The following TRAPPC3L variants were observed in gnomAD, a reference collection of about 807,000 sequenced individuals.
TRAPPC3L encodes the protein trafficking protein particle complex subunit 3L.
Under a neutral mutation model 23.7 loss-of-function variants are expected in TRAPPC3L, and 23 were observed. The observed-to-expected ratio is 0.97, with a 90% CI of 0.70 to 1.37. TRAPPC3L has a LOEUF of 1.37. TRAPPC3L is among the 40% of genes most tolerant of loss of function. The pLI, the probability that TRAPPC3L is intolerant of heterozygous loss-of-function variation, is 0.00. For missense variants in TRAPPC3L, 212 were observed against 216.8 expected (o/e 0.98, Z 0.14); for synonymous variants, 81 against 77.9 (o/e 1.04, Z -0.21).
intron 3 of TRAPPC3L, chr6:116,516,309 G>A (rs935894716): frequency 1.9e-5 from 4 of 207,808 alleles, no homozygotes; most frequent in African/African-American, 9.2e-5. Context: ...GTAAATATTG[G>A]TTGCAGAATT....
At chr6:116,507,683 CT>C (rs1167928549) in intron 3 of TRAPPC3L, among the ~76,000 whole-genome samples, 1 of 152,072 alleles carries the variant, frequency 6.6e-6, no homozygotes, top group African/African-American at 2.4e-5. Flanking sequence ...CCCTGTGGGT[CT>C]TGGTTGCAGG....
chr6:116,537,934 C>T (rs567202564), intron 3 of TRAPPC3L, among the ~76,000 whole-genome samples: 92 of 152,270 alleles, frequency 6.0e-4, no homozygotes, highest in African/African-American at 2.2e-3. Flanking sequence ...CTGTAATTTT[C>T]CTGTGGCTAA....
chr6:116,500,739 C>G, intron 3 of TRAPPC3L, 73 bp from the exon 4 acceptor site: 1 of 1,305,520 alleles, frequency 7.7e-7, no homozygotes. Flanking sequence ...AACAAATACC[C>G]AGTTCTAGGC....
At chr6:116,506,085 C>T (rs1021251845) in intron 3 of TRAPPC3L, among the ~76,000 whole-genome samples, 40 of 152,252 alleles carry the variant, frequency 2.6e-4, no homozygotes, top group African/African-American at 9.4e-4. Flanking sequence ...AGCAGGCAAC[C>T]TACAGAATGG....
At chr6:116,518,340 T>G (rs1225641189) in intron 3 of TRAPPC3L, 1 of 152,126 alleles carries the variant, frequency 6.6e-6, no homozygotes, top group African/African-American at 2.4e-5. Flanking sequence ...TTGGCCAGTG[T>G]GGGAGAAAAC....
At chr6:116,525,491 TA>T (rs1772427787) in intron 3 of TRAPPC3L, among the ~76,000 whole-genome samples, 1 of 152,212 alleles carries the variant, frequency 6.6e-6, no homozygotes, top group African/African-American at 2.4e-5. Context: ...GGAAAGTTTA[TA>T]AAAGATTTCA....
chr6:116,499,298 G>T (rs1250890650), intron 4 of TRAPPC3L, among the ~76,000 whole-genome samples: 2 of 152,170 alleles, frequency 1.3e-5, no homozygotes, highest in Non-Finnish European at 2.9e-5. Flanking sequence ...CCTGCAGTCA[G>T]GGTTTTGTTC....
chr6:116,523,843 T>G (rs1772391714), intron 3 of TRAPPC3L: 1 of 152,132 alleles, frequency 6.6e-6, no homozygotes, highest in Admixed American at 6.6e-5. Context: ...AACAGAACAT[T>G]CCATTTTACA....
Position 116,495,233 on chromosome 6 carries a change from T to G in TRAPPC3L, c.*1721A>C, listed in dbSNP as rs1771817451. ...ATCTCCATGAGTCCACTGTTTTAAT[T>G]TTTAGCTCCTACAAATAAATGAGAA... is the stretch of plus-strand genomic sequence containing the variant. On this transcript the variant is annotated 3_prime_UTR_variant, in exon 5 of 5. Transcript: ENST00000368602. 6.6e-6 allele frequency: 1 copy of G among 151,828 alleles called. No individual in the cohort carries two copies. Among genetic ancestry groups the G allele is most frequent in the Non-Finnish European group, 1.5e-5 (1 of 67,970 alleles). The allele number at this position is 151,828 out of a possible 1,614,324, so 9.4% of individuals were successfully genotyped here. A position where few individuals can be genotyped will look rare whatever the true frequency, so the allele number is the denominator to read the frequency against.
chr6:116,541,601 T>C (rs932767785), intron 2 of TRAPPC3L, among the ~76,000 whole-genome samples: 4 of 152,224 alleles, frequency 2.6e-5, no homozygotes, highest in Non-Finnish European at 4.4e-5. Flanking sequence ...GATAGAAATA[T>C]TCAGTTTAGC....
chr6:116,543,955 G>C, intron 1 of TRAPPC3L: 1 of 1,133,054 alleles, frequency 8.8e-7, no homozygotes, highest in Non-Finnish European at 1.2e-6. Flanking sequence ...CCCATTTTTA[G>C]AGTAAATTAT....
Position 116,543,249 on chromosome 6 carries a change from C to A in TRAPPC3L, c.140+54G>T, listed in dbSNP as rs532815988. 1.9e-4 allele frequency: 251 copies of A among 1,322,026 alleles called. No homozygotes were observed. The African/African-American group carries it at 3.0e-3, about 16-fold the overall frequency. The allele number at this position is 1,322,026 out of a possible 1,614,324, so 81.9% of individuals were successfully genotyped here. ...GAAGTCATTAGAGGCAGAAAGAATGCAGGTGATGTAAGAAACAACAGCCAT... is the reference window on the plus strand; with the variant it reads ...GAAGTCATTAGAGGCAGAAAGAATGAAGGTGATGTAAGAAACAACAGCCAT... On this transcript the variant is annotated intron_variant, in intron 2 of 4. Transcript: ENST00000368602.
rs567446099 is a variant in TRAPPC3L, at chr6:116,505,046, A to G, written c.241-4380T>C. On this transcript the variant is annotated intron_variant, in intron 3 of 4. Coordinates refer to ENST00000368602, the MANE Select transcript of TRAPPC3L (RefSeq NM_001139444.3). ...AATCAGGCAAGAGAAAGAAATAAAG[A>G]GTATTCAATTAGGAAAAGAGGAAGT... Among the ~76,000 whole-genome samples the G allele has an allele frequency of 1.3e-3, 204 of 152,090 alleles. 1 individual carries two copies. Among genetic ancestry groups the G allele is most frequent in the African/African-American group, 4.7e-3 (197 of 41,512 alleles).
intron 3 of TRAPPC3L, among the ~76,000 whole-genome samples, chr6:116,509,153 CT>C (rs1344478571): frequency 6.8e-6 from 1 of 147,946 alleles, no homozygotes; most frequent in Non-Finnish European, 1.5e-5. Flanking sequence ...TGGAAGATCT[CT>C]ATAAGGAGAA....
rs374940815 is a variant in TRAPPC3L at position 116,497,022 on chromosome 6, T to C, written c.478A>G (p.Ser160Gly). ...AATGTTATTCCTATTTCTGTCACAC[T>C]GTCACCTTTTAGTCTGTCTTGCAAG... ...TFLQDRLKGD[S>G]VTEIGITFLK... is the part of the protein sequence containing the mutation. Residue 160 changes from serine to glycine, a missense_variant, in exon 5 of 5, where the codon AGT becomes GGT. Transcript: ENST00000368602. 2.1e-4 allele frequency: 318 copies of C among 1,547,414 alleles called. No individual in the cohort carries two copies. In the African/African-American group the frequency reaches 4.1e-3, roughly 20 times the overall value.
At chr6:116,530,822 G>A (rs193236163) in intron 3 of TRAPPC3L, among the ~76,000 whole-genome samples, 6 of 147,262 alleles carry the variant, frequency 4.1e-5, no homozygotes, top group African/African-American at 1.5e-4. Flanking sequence ...CCAAATTCTA[G>A]CTCTGAAACA....
chr6:116,501,315 G>C (rs1301029964), intron 3 of TRAPPC3L, among the ~76,000 whole-genome samples: 1 of 152,182 alleles, frequency 6.6e-6, no homozygotes, highest in Non-Finnish European at 1.5e-5. Flanking sequence ...CATTGCTGAG[G>C]TTTGAGTAGG....
At chr6:116,541,794 A>C (rs1014829176) in intron 2 of TRAPPC3L, among the ~76,000 whole-genome samples, 2 of 151,926 alleles carry the variant, frequency 1.3e-5, no homozygotes, top group African/African-American at 4.8e-5. Context: ...AGTGGTCAGA[A>C]GCCAAAACGT....
intron 3 of TRAPPC3L, chr6:116,511,670 A>G (rs1025899725): frequency 2.5e-6 from 4 of 1,600,236 alleles, no homozygotes; most frequent in Non-Finnish European, 3.4e-6. Flanking sequence ...ACAAAGGCAC[A>G]GCATTTTCCC....
Sources: gnomAD v4.1 joint callset for allele counts (sites outside exome capture counted in the v4.1 genomes callset) on GRCh38, gnomAD v4.1.1 for gene constraint, MANE v1.5 for transcripts, NCBI Gene and HGNC (gene_info 2026-07-23, HGNC 2026-07-21) for gene names.